COL26A1: variants seen among roughly 807,000 people sequenced by gnomAD.
The protein encoded by COL26A1 is collagen alpha-1(XXVI) chain.
COL26A1 carries 41 observed loss-of-function variants against 59.3 expected under a neutral mutation model. The observed-to-expected ratio is 0.69, with a 90% CI of 0.54 to 0.90. The LOEUF (loss-of-function observed/expected upper bound fraction) is 0.90, where lower values mean the gene tolerates loss of function less well. Ranked by LOEUF, COL26A1 falls within the 40% of genes least tolerant of loss-of-function variation. The pLI is 0.00. For synonymous variants in COL26A1, 266 were observed against 256.0 expected (o/e 1.04, Z -0.37); for missense variants, 612 against 602.3 (o/e 1.02, Z -0.17).
At chr7:101,525,882 A>G (rs1795236794) in intron 3 of COL26A1, among the ~76,000 whole-genome samples, 1 of 152,052 alleles carries the variant, frequency 6.6e-6, no homozygotes, top group Non-Finnish European at 1.5e-5. Context: ...CAGCCTTTAC[A>G]CTGACACCCC....
intron 11 of COL26A1, among the ~76,000 whole-genome samples, chr7:101,554,494 G>A (rs984548690): frequency 6.6e-6 from 1 of 151,080 alleles, no homozygotes; most frequent in African/African-American, 2.4e-5. Flanking sequence ...CACTTTGGGA[G>A]GCTGAGGTAG....
chr7:101,497,057 G>A (rs987661234), intron 3 of COL26A1, among the ~76,000 whole-genome samples: 2 of 151,938 alleles, frequency 1.3e-5, no homozygotes, highest in Admixed American at 6.6e-5. Flanking sequence ...GGCCAACATG[G>A]TGAAACTCCG....
intron 4 of COL26A1, among the ~76,000 whole-genome samples, chr7:101,535,310 T>C (rs1795459094): frequency 6.6e-6 from 1 of 152,170 alleles, no homozygotes; most frequent in African/African-American, 2.4e-5. Context: ...CCTGAGATTT[T>C]AGAAAAGGCA....
chr7:101,554,989 A>G (rs894751040), intron 11 of COL26A1, among the ~76,000 whole-genome samples: 2 of 152,136 alleles, frequency 1.3e-5, no homozygotes, highest in Non-Finnish European at 2.9e-5. Context: ...TTTCATTTTA[A>G]GCTAAATTAA....
rs763020003 is a variant in COL26A1 at position 101,417,497 on chromosome 7, C to CTTTTT, written c.159-2468_159-2464dup. Among the ~76,000 whole-genome samples the CTTTTT allele has an allele frequency of 5.2e-4, 69 of 133,874 alleles. No individual in the cohort carries two copies. The Middle Eastern group carries it at 0.011, about 22-fold the overall frequency. 87.8% of individuals were successfully genotyped at this position (133,874 alleles called of 152,430 possible). ...GACAGGTGAATCCAATGCCTAATATCTTTTTTTTTTTTTTTTAAATAGAGA... is the reference window on the plus strand; with the variant it reads ...GACAGGTGAATCCAATGCCTAATATCTTTTTTTTTTTTTTTTTTTTTAAATAGAGA... On this transcript the variant is annotated intron_variant, in intron 1 of 12. Coordinates refer to ENST00000313669, the MANE Select transcript of COL26A1 (RefSeq NM_001278563.3).
chr7:101,363,744 C>T (rs1222256383), intron 1 of COL26A1, among the ~76,000 whole-genome samples: 1 of 151,728 alleles, frequency 6.6e-6, no homozygotes, highest in African/African-American at 2.4e-5. Flanking sequence ...TTCCGGGCTC[C>T]GAGTAGAGGT....
At chr7:101,366,982 G>A in intron 1 of COL26A1, among the ~76,000 whole-genome samples, 1 of 152,148 alleles carries the variant, frequency 6.6e-6, no homozygotes, top group Admixed American at 6.6e-5. Context: ...CCACGTACTA[G>A]ATTTAGCTAT....
chr7:101,446,660 A>G (rs550451943), intron 2 of COL26A1, among the ~76,000 whole-genome samples: 2 of 152,216 alleles, frequency 1.3e-5, no homozygotes, highest in South Asian at 4.1e-4. Context: ...CAGCCTCACA[A>G]ACATGGTGAA....
At chr7:101,489,332 T>C (rs918747280) in intron 3 of COL26A1, among the ~76,000 whole-genome samples, 3 of 152,150 alleles carry the variant, frequency 2.0e-5, no homozygotes, top group Admixed American at 2.0e-4. Flanking sequence ...GCCAGATATA[T>C]TCCATCCTCT....
At chr7:101,533,628 T>G (rs560652286) in intron 4 of COL26A1, among the ~76,000 whole-genome samples, 4 of 152,144 alleles carry the variant, frequency 2.6e-5, no homozygotes, top group African/African-American at 9.6e-5. Context: ...AAAGGACAAG[T>G]AATTTACCTG....
In COL26A1 at chr7:101,489,660, T is replaced by TCTTCCTTC. The variant is rs374707598; in HGVS notation, c.385+41889_385+41896dup. On this transcript the variant is annotated intron_variant, in intron 3 of 12. Coordinates refer to ENST00000313669, the MANE Select transcript of COL26A1 (RefSeq NM_001278563.3). Reference sequence around the variant, plus strand: ...TTCTTTCTTTCTTTCTTTCTTTCTTTCTTCCTTCCTTCCTTCCTTCCTTTC... The same window carrying TCTTCCTTC: ...TTCTTTCTTTCTTTCTTTCTTTCTTTCTTCCTTCCTTCCTTCCTTCCTTCCTTCCTTTC... 4.7e-4 allele frequency among the ~76,000 whole-genome samples: 23 copies of TCTTCCTTC among 48,650 alleles called. 3 individuals are homozygous for TCTTCCTTC. Among genetic ancestry groups the TCTTCCTTC allele is most frequent in the East Asian group, 1.6e-3 (4 of 2,518 alleles). 31.9% of individuals were successfully genotyped at this position (48,650 alleles called of 152,430 possible).
intron 1 of COL26A1, among the ~76,000 whole-genome samples, chr7:101,417,141 G>A (rs140062013): frequency 1.8e-4 from 27 of 152,220 alleles, no homozygotes; most frequent in African/African-American, 6.5e-4. Context: ...TTTTTTAAGG[G>A]GATGTGATTT....
chr7:101,466,774 GCTAAGACCCCGGCA>G, intron 3 of COL26A1, among the ~76,000 whole-genome samples: 2 of 149,786 alleles, frequency 1.3e-5, no homozygotes, highest in East Asian at 4.0e-4. Flanking sequence ...AGATGAGAAT[GCTAAGACCCCGGCA>G]TGTTCTGGTG....
chr7:101,543,999 G>C lies in COL26A1; in HGVS notation c.606G>C (p.Gly202=), dbSNP rs773793488. ...TGCCCTGTCTCCTTCTCTCCCCAGG[G>C]CCCCCGGGGCAGACAGGACCACCAG... ...PRQRRPTGPA[G]PPGQTGPPGP... is the part of the protein sequence containing the mutation. The change falls in exon 6 of 13, where the codon GGG becomes GGC. Residue 202 remains glycine, a splice_region_variant and synonymous_variant. Transcript: ENST00000313669. The C allele has an allele frequency of 6.4e-7, 1 of 1,561,878 alleles. No individual in the cohort carries two copies. Among genetic ancestry groups the C allele is most frequent in the African/African-American group, 1.4e-5 (1 of 73,702 alleles).
intron 1 of COL26A1, among the ~76,000 whole-genome samples, chr7:101,372,968 C>A (rs1001892618): frequency 6.6e-6 from 1 of 152,180 alleles, no homozygotes; most frequent in African/African-American, 2.4e-5. Context: ...GCACTCCAAT[C>A]AGGGTGACAG....
intron 2 of COL26A1, among the ~76,000 whole-genome samples, chr7:101,425,592 G>C (rs1031579624): frequency 8.6e-5 from 13 of 151,750 alleles, no homozygotes; most frequent in African/African-American, 3.1e-4. Context: ...TGTCTCCCAG[G>C]TTCAAGTGAT....
rs1389175899 is a variant in COL26A1 at position 101,400,953 on chromosome 7, CG to C, written c.159-19021del. On this transcript the variant is annotated intron_variant, in intron 1 of 12. Transcript: ENST00000313669. ...AACGAGGGGTGGGGAGATGCGGAGA[CG>C]GGAGTTCAAGGGCCTGTGGTCTCTC... Among the ~76,000 whole-genome samples the C allele has an allele frequency of 3.3e-5, 5 of 152,200 alleles. No individual in the cohort carries two copies. The East Asian group carries it at 9.7e-4, about 29-fold the overall frequency.
chr7:101,414,890 T>G (rs1320514615), intron 1 of COL26A1, among the ~76,000 whole-genome samples: 2 of 152,160 alleles, frequency 1.3e-5, no homozygotes, highest in Non-Finnish European at 2.9e-5. Flanking sequence ...ACTGGGTAGG[T>G]GGGATCCCGC....
At chr7:101,541,265 T>C (rs921455019) in intron 5 of COL26A1, among the ~76,000 whole-genome samples, 6 of 152,308 alleles carry the variant, frequency 3.9e-5, no homozygotes, top group South Asian at 2.1e-4. Context: ...CTTTCTGGGG[T>C]TTGCTCTCTG....
Sources: gnomAD v4.1 joint callset for allele counts (sites outside exome capture counted in the v4.1 genomes callset) on GRCh38, gnomAD v4.1.1 for gene constraint, MANE v1.5 for transcripts, NCBI Gene and HGNC (gene_info 2026-07-23, HGNC 2026-07-21) for gene names.